The following PRR7 variants were observed in gnomAD, a reference collection of about 807,000 sequenced individuals.
PRR7 encodes proline rich 7, synaptic, also known as proline-rich protein 7.
In PRR7, 8 loss-of-function variants were observed where a neutral mutation model predicts 18.5. The ratio of observed to expected loss-of-function variants is 0.43; its 90% CI spans 0.25 to 0.78. The LOEUF is 0.78. Ranked by LOEUF, PRR7 falls within the 30% of genes least tolerant of loss-of-function variation. The pLI is 0.22. For missense variants in PRR7, 396 were observed against 403.1 expected (o/e 0.98, Z 0.15); for synonymous variants, 221 against 187.7 (o/e 1.18, Z -1.45).
At position 177,455,641 on chromosome 5, in the gene PRR7, G is replaced by GTT; in HGVS notation, c.428-83_428-82insTT. On this transcript the variant is annotated intron_variant, in intron 3 of 3. Transcript: ENST00000323249. The surrounding 1 kb of genome is among the most constrained non-coding windows in gnomAD (Gnocchi z 6.9). ...GGCTCGGGTTCGGGCTAGGGCTGGG[G>GTT]CGCGGGCGGCCCCTGGCCGGGGCCT... is the stretch of plus-strand genomic sequence containing the variant. 1 of 1,424,806 alleles carries GTT rather than the reference G, an allele frequency of 7.0e-7. No homozygotes were observed. The highest frequency in any genetic ancestry group is 2.2e-4 in the Middle Eastern group (1 of 4,648). 88.3% of individuals were successfully genotyped at this position (1,424,806 alleles called of 1,614,324 possible). A position where few individuals can be genotyped will look rare whatever the true frequency, so the allele number is the denominator to read the frequency against.
Position 177,455,031 on chromosome 5 carries a change from G to C in PRR7, c.-37G>C. On this transcript the variant is annotated 5_prime_UTR_variant, in exon 3 of 4. Transcript: ENST00000323249. The surrounding 1 kb of genome is among the most constrained non-coding windows in gnomAD (Gnocchi z 6.9). ...GCCACGCAGCGGAGCCCAGTGTCCA[G>C]TGAAGCGTCTGAGGACCCGCCGCCC... The C allele has an allele frequency of 7.0e-7, 1 of 1,437,090 alleles. No individual in the cohort carries two copies. Among genetic ancestry groups the C allele is most frequent in the Non-Finnish European group, 9.1e-7 (1 of 1,096,890 alleles). The allele number at this position is 1,437,090 out of a possible 1,614,324, so 89.0% of individuals were successfully genotyped here. A position where few individuals can be genotyped will look rare whatever the true frequency, so the allele number is the denominator to read the frequency against.
At chr5:177,448,955 C>A (rs466256) in intron 1 of PRR7, among the ~76,000 whole-genome samples, 70,842 of 152,060 alleles carry the variant, frequency 0.47, 17,200 homozygotes, top group Non-Finnish European at 0.56. Flanking sequence ...TGGAAACCCA[C>A]ATGCTTCCAA....
intron 1 of PRR7, among the ~76,000 whole-genome samples, chr5:177,447,929 G>A (rs1260753222): frequency 6.6e-6 from 1 of 152,206 alleles, no homozygotes; most frequent in Non-Finnish European, 1.5e-5. Context: ...CAGGTTGGCC[G>A]GCAGGGAGGC....
intron 1 of PRR7, among the ~76,000 whole-genome samples, chr5:177,447,972 G>A (rs1755982199): frequency 6.6e-6 from 1 of 152,232 alleles, no homozygotes; most frequent in Non-Finnish European, 1.5e-5. Flanking sequence ...GTCCGCCAGG[G>A]GAGCTCCTCT....
rs902933298 is a variant in PRR7 at position 177,456,206 on chromosome 5, G to C, written c.*85G>C. On this transcript the variant is annotated 3_prime_UTR_variant, in exon 4 of 4. Transcript: ENST00000323249. ...TAAATGCTTCCCTGGACTGCGGGGA[G>C]GGGCGGGGGGAGGGAGGGATTTCTT... 21 of 749,036 alleles carry C rather than the reference G, an allele frequency of 2.8e-5. No individual in the cohort carries two copies. The highest frequency in any genetic ancestry group is 7.5e-5 in the African/African-American group (4 of 53,274). 46.4% of individuals were successfully genotyped at this position (749,036 alleles called of 1,614,324 possible).
rs527741696 is a variant in PRR7, at chr5:177,449,672, G to A, written c.-325+2712G>A. Among the ~76,000 whole-genome samples the A allele has an allele frequency of 6.6e-6, 1 of 152,292 alleles. No individual in the cohort carries two copies. The highest frequency in any genetic ancestry group is 1.9e-4 in the East Asian group (1 of 5,184). ...GAAAACCCTGCCCTGAGGAGGGCCG[G>A]AGCTGAGCGCAGTAGACACTGGCCT... is the stretch of plus-strand genomic sequence containing the variant. On this transcript the variant is annotated intron_variant, in intron 1 of 3. Coordinates refer to ENST00000323249, the MANE Select transcript of PRR7 (RefSeq NM_030567.5). This position sits in a 1 kb window ranked among gnomAD's most constrained non-coding sequence, Gnocchi z 4.2.
chr5:177,451,056 G>A (rs375209474), intron 1 of PRR7, among the ~76,000 whole-genome samples: 8 of 152,226 alleles, frequency 5.3e-5, no homozygotes, highest in African/African-American at 1.9e-4. Context: ...GCCTGGCCAA[G>A]GCAGTGGCAG....
chr5:177,446,193 G>C (rs1305607926), upstream of PRR7: 1 of 152,166 alleles, frequency 6.6e-6, no homozygotes, highest in African/African-American at 2.4e-5. This position sits in a 1 kb window ranked among gnomAD's most constrained non-coding sequence, Gnocchi z 5.3. Context: ...TGGACCTCGG[G>C]GTAGACAGTG....
Position 177,455,271 on chromosome 5 carries a change from C to T in PRR7, c.204C>T (p.Ser68=), listed in dbSNP as rs17852209. 7 of 1,521,454 alleles carry T rather than the reference C, an allele frequency of 4.6e-6. No individual in the cohort carries two copies. Among genetic ancestry groups the T allele is most frequent in the East Asian group, 2.7e-5 (1 of 37,394 alleles). The allele number at this position is 1,521,454 out of a possible 1,614,324, so 94.2% of individuals were successfully genotyped here. A position where few individuals can be genotyped will look rare whatever the true frequency, so the allele number is the denominator to read the frequency against. Residue 68 remains serine, a synonymous_variant, in exon 3 of 4, where the codon AGC becomes AGT. Coordinates refer to ENST00000323249, the MANE Select transcript of PRR7 (RefSeq NM_030567.5). The surrounding 1 kb of genome is among the most constrained non-coding windows in gnomAD (Gnocchi z 6.9). ...PLELEGSLAG[S]PPGLAPPQPP... Reference sequence around the variant, plus strand: ...AACTCGAGGGCAGTCTGGCCGGGAGCCCCCCGGGCCTGGCGCCGCCGCAGC... The same window carrying T: ...AACTCGAGGGCAGTCTGGCCGGGAGTCCCCCGGGCCTGGCGCCGCCGCAGC...
At chr5:177,451,924 C>A (rs1275893391) in intron 1 of PRR7, among the ~76,000 whole-genome samples, 1 of 124,890 alleles carries the variant, frequency 8.0e-6, no homozygotes, top group Non-Finnish European at 1.8e-5. Context: ...TCTGTTGGTA[C>A]CTCCACACCC....
chr5:177,446,521 T>A (rs1039894809), upstream of PRR7: 1 of 152,540 alleles, frequency 6.6e-6, no homozygotes, highest in African/African-American at 2.4e-5. The surrounding 1 kb of genome is among the most constrained non-coding windows in gnomAD (Gnocchi z 5.3). Flanking sequence ...GCTGCCTGGC[T>A]GTGCATCCAG....
rs539107765 is a variant in PRR7, at chr5:177,454,987, A to G, written c.-81A>G. On this transcript the variant is annotated 5_prime_UTR_variant, in exon 3 of 4. Transcript: ENST00000323249. This position sits in a 1 kb window ranked among gnomAD's most constrained non-coding sequence, Gnocchi z 4.7. ...CCGAGTGACGCTGGCGGCACCTGAG[A>G]GTGTGGCGCGGGCCCGGGGCCACGC... is the stretch of plus-strand genomic sequence containing the variant. The G allele has an allele frequency of 1.5e-6, 2 of 1,363,832 alleles. No individual in the cohort carries two copies. Among genetic ancestry groups the G allele is most frequent in the African/African-American group, 1.5e-5 (1 of 66,492 alleles). The allele number at this position is 1,363,832 out of a possible 1,614,324, so 84.5% of individuals were successfully genotyped here.
rs1355671810 is a variant in PRR7, at chr5:177,454,851, G to A, written c.-217G>A. ...CAGGTCCCGCGCGGCCCCGGGTGAG[G>A]CACGCCCGCGCGCCCGCCGGCGCCA... On this transcript the variant is annotated 5_prime_UTR_variant, in exon 3 of 4. Coordinates refer to ENST00000323249, the MANE Select transcript of PRR7 (RefSeq NM_030567.5). The surrounding 1 kb of genome is among the most constrained non-coding windows in gnomAD (Gnocchi z 4.7). 2 of 436,182 alleles carry A rather than the reference G, an allele frequency of 4.6e-6. No individual in the cohort carries two copies. The highest frequency in any genetic ancestry group is 5.0e-5 in the Admixed American group (1 of 19,910). The allele number at this position is 436,182 out of a possible 1,614,324, so 27.0% of individuals were successfully genotyped here.
At position 177,455,037 on chromosome 5, in the gene PRR7, C is replaced by T. The variant is rs779839834; in HGVS notation, c.-31C>T. 1 of 1,439,530 alleles carries T rather than the reference C, an allele frequency of 6.9e-7. No individual in the cohort carries two copies. The highest frequency in any genetic ancestry group is 9.1e-7 in the Non-Finnish European group (1 of 1,097,616). 89.2% of individuals were successfully genotyped at this position (1,439,530 alleles called of 1,614,324 possible). A position where few individuals can be genotyped will look rare whatever the true frequency, so the allele number is the denominator to read the frequency against. On this transcript the variant is annotated 5_prime_UTR_variant, in exon 3 of 4. Coordinates refer to ENST00000323249, the MANE Select transcript of PRR7 (RefSeq NM_030567.5). This position sits in a 1 kb window ranked among gnomAD's most constrained non-coding sequence, Gnocchi z 6.9. ...CAGCGGAGCCCAGTGTCCAGTGAAG[C>T]GTCTGAGGACCCGCCGCCCGTGCCG...
At chr5:177,452,211 G>A (rs1561668961) in intron 1 of PRR7, among the ~76,000 whole-genome samples, 1 of 152,250 alleles carries the variant, frequency 6.6e-6, no homozygotes, top group Non-Finnish European at 1.5e-5. Context: ...GCAGGGCATC[G>A]CTCCGAGCAC....
At chr5:177,446,506 C>T (rs888593745), upstream of PRR7, 2 of 152,492 alleles carry the variant, frequency 1.3e-5, no homozygotes, top group Admixed American at 6.5e-5. This position sits in a 1 kb window ranked among gnomAD's most constrained non-coding sequence, Gnocchi z 5.3. Flanking sequence ...GGGTTCTCGA[C>T]CTCAGCTGCC....
At chr5:177,452,088 A>G (rs1756191366) in intron 1 of PRR7, among the ~76,000 whole-genome samples, 1 of 152,264 alleles carries the variant, frequency 6.6e-6, no homozygotes, top group South Asian at 2.1e-4. Context: ...CAAAAGCACT[A>G]CAGATAAATC....
chr5:177,448,950 A>G (rs1447882436), intron 1 of PRR7, among the ~76,000 whole-genome samples: 1 of 152,162 alleles, frequency 6.6e-6, no homozygotes, highest in Non-Finnish European at 1.5e-5. Flanking sequence ...GGCATTGGAA[A>G]CCCACATGCT....
Position 177,454,939 on chromosome 5 carries a change from G to T in PRR7, c.-129G>T. The T allele has an allele frequency of 8.0e-7, 1 of 1,246,006 alleles. No individual in the cohort carries two copies. Among genetic ancestry groups the T allele is most frequent in the South Asian group, 2.9e-5 (1 of 34,882 alleles). The allele number at this position is 1,246,006 out of a possible 1,614,324, so 77.2% of individuals were successfully genotyped here. A position where few individuals can be genotyped will look rare whatever the true frequency, so the allele number is the denominator to read the frequency against. ...GCGCGCACGACTTGAGACCTGCCAC[G>T]GGCAGCCCCCGGCCGCGGGTCCCCG... On this transcript the variant is annotated 5_prime_UTR_variant, in exon 3 of 4. Coordinates refer to ENST00000323249, the MANE Select transcript of PRR7 (RefSeq NM_030567.5). The surrounding 1 kb of genome is among the most constrained non-coding windows in gnomAD (Gnocchi z 4.7).
Sources: allele counts gnomAD v4.1 joint callset (sites outside exome capture counted in the v4.1 genomes callset), GRCh38; gene constraint gnomAD v4.1.1; non-coding constraint Gnocchi (gnomAD v3.1); transcripts MANE v1.5; gene names NCBI Gene and HGNC (gene_info 2026-07-23, HGNC 2026-07-21).